Variants in RAD51B observed in about 807,000 individuals in gnomAD.
RAD51B encodes DNA repair protein RAD51 homolog 2.
Under a neutral mutation model 42.2 loss-of-function variants are expected in RAD51B, and 38 were observed. The ratio of observed to expected loss-of-function variants is 0.90; its 90% confidence interval spans 0.70 to 1.18. The LOEUF (loss-of-function observed/expected upper bound fraction) is 1.18. Among genes scored for constraint, RAD51B ranks in the 50% most tolerant of loss-of-function variants. The probability of loss-of-function intolerance (pLI) is 0.00; values close to 1 mark genes in which losing one functional copy is unlikely to be tolerated. For synonymous variants in RAD51B, 154 were observed against 145.2 expected (o/e 1.06, Z -0.43); for missense variants, 373 against 400.7 (o/e 0.93, Z 0.59).
intron 9 of RAD51B, among the ~76,000 whole-genome samples, chr14:68,415,607 G>A (rs1245501265): frequency 6.6e-6 from 1 of 152,186 alleles, no homozygotes; most frequent in Non-Finnish European, 1.5e-5. Context: ...GGGGGGTCCT[G>A]GCACTAAGGA....
chr14:67,881,838 C>G (rs958215807), intron 5 of RAD51B, among the ~76,000 whole-genome samples: 1 of 152,206 alleles, frequency 6.6e-6, no homozygotes, highest in Admixed American at 6.5e-5. Context: ...CTTTCATTCT[C>G]TCTTGAGTTC....
intron 7 of RAD51B, among the ~76,000 whole-genome samples, chr14:67,995,238 T>C (rs1219828598): frequency 6.6e-6 from 1 of 151,764 alleles, no homozygotes; most frequent in African/African-American, 2.4e-5. Context: ...ATATAAAAAT[T>C]AGCTGGGCGT....
chr14:67,874,600 G>C (rs898272757), intron 5 of RAD51B, among the ~76,000 whole-genome samples: 3 of 152,006 alleles, frequency 2.0e-5, no homozygotes, highest in Admixed American at 6.6e-5. Context: ...TTGGGGAGAG[G>C]GGAATGCTAT....
chr14:68,592,687 G>T (rs1890808379), intron 10 of RAD51B, among the ~76,000 whole-genome samples: 1 of 152,222 alleles, frequency 6.6e-6, no homozygotes, highest in South Asian at 2.1e-4. Flanking sequence ...CTGGCCACAT[G>T]CCAGACACAT....
intron 10 of RAD51B, among the ~76,000 whole-genome samples, chr14:68,549,486 A>G (rs866727166): frequency 7.1e-5 from 9 of 126,564 alleles, no homozygotes; most frequent in Non-Finnish European, 9.7e-5. Context: ...CGCGATCTCG[A>G]CTCACTGCAA....
chr14:68,564,610 C>T (rs2140026763), intron 10 of RAD51B, among the ~76,000 whole-genome samples: 1 of 152,306 alleles, frequency 6.6e-6, no homozygotes, highest in South Asian at 2.1e-4. Context: ...CACCCATAGC[C>T]TTAACCCCGG....
At chr14:67,823,924 A>G (rs546746258) in intron 2 of RAD51B, among the ~76,000 whole-genome samples, 69 of 152,370 alleles carry the variant, frequency 4.5e-4, no homozygotes, top group Middle Eastern at 3.4e-3. Flanking sequence ...ATGAGGAGAT[A>G]CTATTCAACA....
chr14:68,106,785 C>T (rs766177451), intron 7 of RAD51B, among the ~76,000 whole-genome samples: 11 of 151,856 alleles, frequency 7.2e-5, no homozygotes, highest in Non-Finnish European at 1.3e-4. Context: ...CTACATTAGA[C>T]TTTTAAAAAA....
At chr14:68,660,476 A>G (rs750049757) in intron 11 of RAD51B, among the ~76,000 whole-genome samples, 15 of 152,232 alleles carry the variant, frequency 9.9e-5, no homozygotes, top group Non-Finnish European at 2.9e-5. Flanking sequence ...GGAGCTAAAC[A>G]TTCTGATGGA....
chr14:68,003,402 G>C (rs2075522702), intron 7 of RAD51B, among the ~76,000 whole-genome samples: 1 of 152,212 alleles, frequency 6.6e-6, no homozygotes, highest in South Asian at 2.1e-4. Flanking sequence ...TTGCTTATCA[G>C]CGTAAGAAGC....
chr14:67,876,413 T>C (rs1489956638), intron 5 of RAD51B, among the ~76,000 whole-genome samples: 1 of 152,208 alleles, frequency 6.6e-6, no homozygotes, highest in Non-Finnish European at 1.5e-5. Context: ...ACTAATAATT[T>C]TGTACAGGGT....
chr14:68,459,447 G>C (rs142382858), intron 9 of RAD51B, among the ~76,000 whole-genome samples: 2 of 152,302 alleles, frequency 1.3e-5, no homozygotes, highest in African/African-American at 4.8e-5. Flanking sequence ...CTTACCAATG[G>C]GTTTTATTAG....
At chr14:68,519,635 G>GA (rs1886430301) in intron 10 of RAD51B, among the ~76,000 whole-genome samples, 1 of 152,230 alleles carries the variant, frequency 6.6e-6, no homozygotes, top group African/African-American at 2.4e-5. Context: ...TCCAACTTGA[G>GA]ACTTTGACCC....
chr14:67,988,912 TAC>T (rs1277894771), intron 7 of RAD51B, among the ~76,000 whole-genome samples: 2 of 152,240 alleles, frequency 1.3e-5, no homozygotes, highest in African/African-American at 4.8e-5. Context: ...GATATGAATT[TAC>T]AGAGTCATGT....
At chr14:67,873,611 T>A (rs1344839931) in intron 5 of RAD51B, among the ~76,000 whole-genome samples, 1 of 151,872 alleles carries the variant, frequency 6.6e-6, no homozygotes, top group Non-Finnish European at 1.5e-5. Flanking sequence ...GGACTATAAA[T>A]CATGCTGCTA....
At chr14:68,140,878 A>G in intron 7 of RAD51B, among the ~76,000 whole-genome samples, 1 of 152,238 alleles carries the variant, frequency 6.6e-6, no homozygotes. Context: ...CACTCAATCT[A>G]TAGGTTATAT....
chr14:68,493,655 AC>A (rs1884262223), intron 10 of RAD51B, among the ~76,000 whole-genome samples: 1 of 152,330 alleles, frequency 6.6e-6, no homozygotes, highest in Non-Finnish European at 1.5e-5. Flanking sequence ...TATGTCCCAG[AC>A]CTATTTTATA....
At chr14:68,045,269 GA>G (rs1200657822) in intron 7 of RAD51B, among the ~76,000 whole-genome samples, 1 of 100,574 alleles carries the variant, frequency 9.9e-6, no homozygotes, top group African/African-American at 3.8e-5. Context: ...AAAAAGAAAA[GA>G]AAATTGAAAT....
chr14:68,029,671 T>G (rs1339213143), intron 7 of RAD51B, among the ~76,000 whole-genome samples: 2 of 152,220 alleles, frequency 1.3e-5, no homozygotes, highest in African/African-American at 4.8e-5. Flanking sequence ...GGAATCTTCT[T>G]CACTCCTGTG....
Sources: allele counts gnomAD v4.1 joint callset (sites outside exome capture counted in the v4.1 genomes callset), GRCh38; gene constraint gnomAD v4.1.1; transcripts MANE v1.5; gene names NCBI Gene and HGNC (gene_info 2026-07-23, HGNC 2026-07-21).